The following GRAMD1B variants were observed in gnomAD, a reference collection of about 807,000 sequenced individuals.
GRAMD1B encodes GRAM domain containing 1B.
GRAMD1B carries 37 observed loss-of-function variants against 99.7 expected under a neutral mutation model. That is an observed-to-expected ratio of 0.37 (90% CI 0.29 to 0.49). The LOEUF is 0.49. Ranked by LOEUF, GRAMD1B falls within the 20% of genes least tolerant of loss-of-function variation. GRAMD1B has a pLI of 0.98. For missense variants in GRAMD1B, 888 were observed against 1,009.2 expected, an observed-to-expected ratio of 0.88 and a Z score of 1.63; for synonymous variants, 427 against 387.6, an observed-to-expected ratio of 1.10 and a Z score of -1.19.
At position 123,610,200 on chromosome 11, in the gene GRAMD1B, T is replaced by C; in HGVS notation, c.1781T>C (p.Met594Thr). Residue 594 changes from methionine to threonine, a missense_variant, in exon 14 of 20, where the codon ATG (methionine) becomes ACG (threonine). Coordinates refer to ENST00000635736, the MANE Select transcript of GRAMD1B (RefSeq NM_001387025.1). This position sits in a 1 kb window ranked among gnomAD's most constrained non-coding sequence, Gnocchi z 4.1. Reference protein sequence around the residue: ...KTATVRETQTMYKASQESECY... With the variant: ...KTATVRETQTTYKASQESECY... ...ATGGACCTTTCCTGCCCGCAGACCA[T>C]GTACAAGGCGAGCCAGGAGAGTGAA... 3.1e-6 allele frequency: 5 copies of C among 1,613,908 alleles called. No homozygotes were observed. The highest frequency in any genetic ancestry group is 4.2e-6 in the Non-Finnish European group (5 of 1,179,848).
Position 123,586,387 on chromosome 11 carries a change from T to TTCCACCC in GRAMD1B, c.684+2058_684+2064dup, listed in dbSNP as rs1264994853. Among the ~76,000 whole-genome samples the TTCCACCC allele has an allele frequency of 2.6e-5, 4 of 152,326 alleles. No homozygotes were observed. The South Asian group carries it at 8.3e-4, about 32-fold the overall frequency. On this transcript the variant is annotated intron_variant, in intron 4 of 19. Transcript: ENST00000635736. ...TAATTCTCACTTGTCTCCTTTCACCTTCCACCCTCTCATCCCAAGTGCATT... is the reference window on the plus strand; with the variant it reads ...TAATTCTCACTTGTCTCCTTTCACCTTCCACCCTCCACCCTCTCATCCCAAGTGCATT...
intron 1 of GRAMD1B, among the ~76,000 whole-genome samples, chr11:123,407,835 C>T (rs1270241446): frequency 2.0e-5 from 3 of 152,178 alleles, no homozygotes; most frequent in Non-Finnish European, 4.4e-5. Flanking sequence ...GCAAATACAA[C>T]CTTCAAAAAA....
intron 1 of GRAMD1B, among the ~76,000 whole-genome samples, chr11:123,448,582 A>G (rs558647768): frequency 6.6e-6 from 1 of 152,294 alleles, no homozygotes; most frequent in African/African-American, 2.4e-5. Flanking sequence ...TCTTGGCTTT[A>G]ATTATTCCTG....
intron 2 of GRAMD1B, among the ~76,000 whole-genome samples, chr11:123,500,248 G>T (rs1039226823): frequency 6.6e-6 from 1 of 152,196 alleles, no homozygotes; most frequent in African/African-American, 2.4e-5. Context: ...TTGAACCCAG[G>T]AGGCAGAGGC....
At chr11:123,579,913 G>T (rs1949157013) in intron 3 of GRAMD1B, among the ~76,000 whole-genome samples, 1 of 152,148 alleles carries the variant, frequency 6.6e-6, no homozygotes, top group Admixed American at 6.5e-5. Context: ...CAGGAATCAG[G>T]GGCCAAACTG....
chr11:123,548,528 G>A (rs1428805663), intron 2 of GRAMD1B, among the ~76,000 whole-genome samples: 1 of 151,784 alleles, frequency 6.6e-6, no homozygotes, highest in East Asian at 1.9e-4. Flanking sequence ...GTACCTGCAT[G>A]CAAGCACTCC....
chr11:123,600,490 C>T lies in GRAMD1B; in HGVS notation c.992C>T (p.Ala331Val). The T allele has an allele frequency of 6.2e-7, 1 of 1,610,170 alleles. No individual in the cohort carries two copies. Among genetic ancestry groups the T allele is most frequent in the South Asian group, 1.1e-5 (1 of 90,754 alleles). ...TAGCACTTCTTCACTTCGTTTGGGG[C>T]CCGGGATAGGACATATATGATGATG... ...SEKHFFTSFG[A>V]RDRTYMMMFR... is the part of the protein sequence containing the mutation. Residue 331 changes from alanine (A) to valine (V), a missense_variant, in exon 8 of 20, where the codon GCC (alanine) becomes GTC (valine). By Grantham distance (64) the Ala-to-Val change is moderately conservative (BLOSUM62 0). This residue lies in a region of GRAMD1B where 269 missense variants were observed against 296.6 expected (regional missense o/e 0.91). Coordinates refer to ENST00000635736, the MANE Select transcript of GRAMD1B (RefSeq NM_001387025.1).
chr11:123,433,718 G>GT (rs1196987489), intron 1 of GRAMD1B, among the ~76,000 whole-genome samples: 1 of 151,144 alleles, frequency 6.6e-6, no homozygotes, highest in African/African-American at 2.4e-5. Context: ...GTGTGTCTTT[G>GT]TGTGTATGAA....
intron 1 of GRAMD1B, among the ~76,000 whole-genome samples, chr11:123,443,514 C>T (rs1019608192): frequency 3.3e-5 from 5 of 151,640 alleles, no homozygotes; most frequent in African/African-American, 1.2e-4. Flanking sequence ...TTGAACAGTT[C>T]GAAGCTGGGG....
At chr11:123,538,495 C>T (rs947868166) in intron 2 of GRAMD1B, among the ~76,000 whole-genome samples, 1 of 152,186 alleles carries the variant, frequency 6.6e-6, no homozygotes, top group Non-Finnish European at 1.5e-5. Flanking sequence ...CTTTACATCT[C>T]AACACCTCAA....
intron 2 of GRAMD1B, among the ~76,000 whole-genome samples, chr11:123,509,022 C>T (rs1195170699): frequency 3.3e-5 from 5 of 152,086 alleles, no homozygotes; most frequent in Non-Finnish European, 7.4e-5. Flanking sequence ...CTTTATCTAA[C>T]ACTTGCTTTG....
At position 123,431,145 on chromosome 11, in the gene GRAMD1B, G is replaced by T; in HGVS notation, c.353G>T (p.Arg118Leu). Residue 118 changes from arginine to leucine, a missense_variant, in exon 1 of 20, where the codon CGG becomes CTG. Physicochemically the swap from Arg to Leu is moderately radical, Grantham distance 102. Transcript: ENST00000635736. ...LLRKWLRVRE[R>L]KECSESSSQQ... Reference sequence around the variant, plus strand: ...CGCAAGTGGCTGAGGGTGAGGGAGCGGAAGGAGTGCAGTGAAAGCAGGTAC... The same window carrying T: ...CGCAAGTGGCTGAGGGTGAGGGAGCTGAAGGAGTGCAGTGAAAGCAGGTAC... 1 of 702,698 alleles carries T rather than the reference G, an allele frequency of 1.4e-6. No individual in the cohort carries two copies. Among genetic ancestry groups the T allele is most frequent in the South Asian group, 1.5e-5 (1 of 67,582 alleles). 43.5% of individuals were successfully genotyped at this position (702,698 alleles called of 1,614,324 possible). A position where few individuals can be genotyped will look rare whatever the true frequency, so the allele number is the denominator to read the frequency against.
At chr11:123,489,003 G>T (rs1407909540) in intron 2 of GRAMD1B, among the ~76,000 whole-genome samples, 2 of 152,068 alleles carry the variant, frequency 1.3e-5, no homozygotes, top group Non-Finnish European at 2.9e-5. Context: ...AACGGCAGGT[G>T]CTAGAGGAAT....
chr11:123,562,128 C>T (rs893009301), intron 2 of GRAMD1B, among the ~76,000 whole-genome samples: 6 of 152,138 alleles, frequency 3.9e-5, no homozygotes, highest in Admixed American at 2.6e-4. Flanking sequence ...GTGGGAGGAT[C>T]GCTTGAGCCT....
intron 1 of GRAMD1B, among the ~76,000 whole-genome samples, chr11:123,433,454 C>T (rs993635577): frequency 1.3e-5 from 2 of 152,158 alleles, no homozygotes; most frequent in Non-Finnish European, 1.5e-5. Context: ...CTAAAAGAGA[C>T]CTTCTTTTGA....
Position 123,497,069 on chromosome 11 carries a change from C to T in GRAMD1B, c.452+16176C>T, listed in dbSNP as rs533423318. 3.9e-5 allele frequency among the ~76,000 whole-genome samples: 6 copies of T among 152,270 alleles called. No homozygotes were observed. The East Asian group carries it at 5.8e-4, about 15-fold the overall frequency. ...AGTTAGGCATTTATTGTAGTCTTCA[C>T]AGTCTTGGCTTGTTTGTGCTTATTC... On this transcript the variant is annotated intron_variant, in intron 2 of 19. Transcript: ENST00000635736.
intron 2 of GRAMD1B, among the ~76,000 whole-genome samples, chr11:123,574,925 A>C (rs1948557393): frequency 6.6e-6 from 1 of 152,198 alleles, no homozygotes; most frequent in South Asian, 2.1e-4. Context: ...GCAGAGGAGT[A>C]GAAGAGAGGT....
At chr11:123,378,956 T>C (rs992218915) in intron 1 of GRAMD1B, among the ~76,000 whole-genome samples, 13 of 152,218 alleles carry the variant, frequency 8.5e-5, no homozygotes, top group African/African-American at 3.1e-4. Flanking sequence ...TTTTCTTTTT[T>C]GAGGCTTCTT....
intron 2 of GRAMD1B, among the ~76,000 whole-genome samples, chr11:123,490,768 G>C (rs909903689): frequency 6.6e-6 from 1 of 152,154 alleles, no homozygotes. Flanking sequence ...AGGAAGCAGA[G>C]TTTTAGAGGA....
Sources: gnomAD v4.1 joint callset for allele counts (sites outside exome capture counted in the v4.1 genomes callset) on GRCh38, gnomAD v4.1.1 for gene constraint, gnomAD v4.1.1 regional missense constraint, Gnocchi (gnomAD v3.1) non-coding constraint, MANE v1.5 for transcripts, NCBI Gene and HGNC (gene_info 2026-07-23, HGNC 2026-07-21) for gene names.